COL25A1: variants seen among roughly 807,000 people sequenced by gnomAD.
COL25A1 encodes the protein collagen alpha-1(XXV) chain.
In COL25A1, 103 loss-of-function variants were observed where a neutral mutation model predicts 128.4. The observed-to-expected ratio is 0.80, with a 90% CI of 0.68 to 0.94. The LOEUF (loss-of-function observed/expected upper bound fraction) is 0.94, where lower values mean the gene tolerates loss of function less well. COL25A1 is among the 40% of genes least tolerant of loss of function. COL25A1 has a pLI of 0.00. For missense variants in COL25A1, 745 were observed against 840.0 expected, an observed-to-expected ratio of 0.89 and a Z score of 1.40; for synonymous variants, 279 against 277.2, an observed-to-expected ratio of 1.01 and a Z score of -0.06.
At chr4:109,041,305 C>T (rs193116838) in intron 5 of COL25A1, among the ~76,000 whole-genome samples, 2 of 152,176 alleles carry the variant, frequency 1.3e-5, no homozygotes, top group African/African-American at 4.8e-5. Flanking sequence ...GCCTGGGTCT[C>T]ATGACCTGCC....
chr4:109,222,816 C>CA (rs375916527), intron 3 of COL25A1, among the ~76,000 whole-genome samples: 64 of 152,158 alleles, frequency 4.2e-4, no homozygotes, highest in Middle Eastern at 3.2e-3. Context: ...AACTCACAGA[C>CA]AAAACAGATT....
In COL25A1 at chr4:109,100,245, C is replaced by A. The variant is rs3108928; in HGVS notation, c.368-50066G>T. 6.6e-4 allele frequency among the ~76,000 whole-genome samples: 101 copies of A among 152,162 alleles called. 1 individual carries two copies. Among genetic ancestry groups the A allele is most frequent in the African/African-American group, 2.3e-3 (96 of 41,524 alleles). On this transcript the variant is annotated intron_variant, in intron 3 of 37. Coordinates refer to ENST00000399132, the MANE Select transcript of COL25A1 (RefSeq NM_198721.4). ...TCACTGTAAAACATGCAGTCATTTT[C>A]AGCAACGAAGAATCATTAAGTAAAT...
chr4:108,947,363 A>T (rs564270912), intron 8 of COL25A1, among the ~76,000 whole-genome samples: 66 of 151,968 alleles, frequency 4.3e-4, no homozygotes, highest in Admixed American at 1.5e-3. Flanking sequence ...AATCATTTGA[A>T]CCTGGGAGGC....
intron 3 of COL25A1, among the ~76,000 whole-genome samples, chr4:109,091,424 TC>T (rs1764894238): frequency 6.6e-6 from 1 of 152,208 alleles, no homozygotes; most frequent in Non-Finnish European, 1.5e-5. Flanking sequence ...ACAACAATTG[TC>T]TATACAATTT....
At chr4:109,025,393 A>ATTAATG (rs1758162040) in intron 5 of COL25A1, among the ~76,000 whole-genome samples, 2 of 152,162 alleles carry the variant, frequency 1.3e-5, no homozygotes, top group African/African-American at 4.8e-5. Flanking sequence ...AATGTGTGCT[A>ATTAATG]TGTTGATTGT....
At chr4:108,929,131 T>C (rs1328124353) in intron 11 of COL25A1, among the ~76,000 whole-genome samples, 5 of 151,984 alleles carry the variant, frequency 3.3e-5, no homozygotes, top group Admixed American at 2.6e-4. Flanking sequence ...TGTTTTGTTT[T>C]GTTTTGTTTT....
chr4:109,140,548 A>T (rs910688189), intron 3 of COL25A1, among the ~76,000 whole-genome samples: 6 of 152,066 alleles, frequency 3.9e-5, no homozygotes, highest in Non-Finnish European at 8.8e-5. Context: ...CATGATATTG[A>T]TTCTTCCTAT....
chr4:108,927,413 A>T (rs1476682116), intron 11 of COL25A1, among the ~76,000 whole-genome samples: 1 of 152,198 alleles, frequency 6.6e-6, no homozygotes, highest in Non-Finnish European at 1.5e-5. Context: ...GAATTTAAAA[A>T]TTATTAAATT....
At chr4:108,868,899 AAG>A (rs144275963) in intron 20 of COL25A1, among the ~76,000 whole-genome samples, 187 bp downstream of exon 20, 14,231 of 147,826 alleles carry the variant, frequency 0.096, 895 homozygotes, top group Non-Finnish European at 0.14. Context: ...GATGGAAGGA[AAG>A]AGAAAAAGAA....
chr4:109,178,308 T>C (rs1460160805), intron 3 of COL25A1, among the ~76,000 whole-genome samples: 1 of 152,200 alleles, frequency 6.6e-6, no homozygotes, highest in Non-Finnish European at 1.5e-5. Context: ...TATGGGCCCA[T>C]ACTTTTTTAA....
chr4:109,246,337 T>G (rs1243468377), intron 3 of COL25A1, among the ~76,000 whole-genome samples: 1 of 152,104 alleles, frequency 6.6e-6, no homozygotes, highest in Non-Finnish European at 1.5e-5. Context: ...GTTCTAGCAG[T>G]AAACAAATAA....
At chr4:109,112,512 A>G (rs199653120) in intron 3 of COL25A1, among the ~76,000 whole-genome samples, 1 of 36,410 alleles carries the variant, frequency 2.7e-5, no homozygotes, top group African/African-American at 5.4e-5. Flanking sequence ...GAAAAAAAAA[A>G]CAGTGTTTCT....
chr4:109,246,016 CAAAAAAAA>C (rs772260651), intron 3 of COL25A1, among the ~76,000 whole-genome samples: 4 of 65,666 alleles, frequency 6.1e-5, no homozygotes, highest in Non-Finnish European at 1.4e-4. Context: ...TGTTAAAAAG[CAAAAAAAA>C]AAAAAAAAAA....
chr4:109,217,992 G>C (rs1013727997), intron 3 of COL25A1, among the ~76,000 whole-genome samples: 2 of 152,168 alleles, frequency 1.3e-5, no homozygotes, highest in African/African-American at 2.4e-5. Flanking sequence ...CCCATAGCTA[G>C]TAAGTAGTGG....
At chr4:108,859,806 A>C in intron 23 of COL25A1, 73 bp from the exon 24 acceptor site, 1 of 1,042,798 alleles carries the variant, frequency 9.6e-7, no homozygotes, top group Non-Finnish European at 1.5e-6. Context: ...GCAGAAACAG[A>C]AATACAACTC....
intron 3 of COL25A1, among the ~76,000 whole-genome samples, chr4:109,287,184 G>A (rs549722778): frequency 3.3e-5 from 5 of 152,222 alleles, no homozygotes; most frequent in South Asian, 2.1e-4. Flanking sequence ...AATTGGATAC[G>A]GTTTGCTACA....
At chr4:109,119,852 T>C (rs953486938) in intron 3 of COL25A1, among the ~76,000 whole-genome samples, 18 of 152,164 alleles carry the variant, frequency 1.2e-4, no homozygotes, top group African/African-American at 3.9e-4. Context: ...TATCAATCAA[T>C]ATCTCTCATA....
intron 13 of COL25A1, among the ~76,000 whole-genome samples, chr4:108,910,377 T>G (rs1449350538): frequency 6.6e-6 from 1 of 152,232 alleles, no homozygotes; most frequent in Non-Finnish European, 1.5e-5. Context: ...CATTGAGGTA[T>G]TAATGCCTCC....
At chr4:108,829,784 G>GTGAC (rs1732865292) in intron 32 of COL25A1, among the ~76,000 whole-genome samples, 1 of 152,178 alleles carries the variant, frequency 6.6e-6, no homozygotes, top group Non-Finnish European at 1.5e-5. Context: ...TCTCTTGCCA[G>GTGAC]TGACTGCCTC....
Sources: gnomAD v4.1 joint callset for allele counts (sites outside exome capture counted in the v4.1 genomes callset) on GRCh38, gnomAD v4.1.1 for gene constraint, MANE v1.5 for transcripts, NCBI Gene and HGNC (gene_info 2026-07-23, HGNC 2026-07-21) for gene names.